THSD4: variants seen among roughly 807,000 people sequenced by gnomAD.
THSD4 encodes the protein thrombospondin type-1 domain-containing protein 4.
In THSD4, 69 loss-of-function variants were observed where a neutral mutation model predicts 119.0. That is an observed-to-expected ratio of 0.58 (90% CI 0.48 to 0.71). The LOEUF (loss-of-function observed/expected upper bound fraction) is 0.71, where lower values mean the gene tolerates loss of function less well. THSD4 is among the 30% of genes least tolerant of loss of function. THSD4 has a pLI of 0.00. For missense variants in THSD4, 1,393 were observed against 1,391.1 expected (o/e 1.00, Z -0.02); for synonymous variants, 524 against 540.4 (o/e 0.97, Z 0.42).
intron 8 of THSD4, among the ~76,000 whole-genome samples, chr15:71,670,089 T>A (rs2051492871): frequency 6.6e-6 from 1 of 152,164 alleles, no homozygotes; most frequent in East Asian, 1.9e-4. Flanking sequence ...TACCTTTTTT[T>A]TTATTATTAT....
intron 11 of THSD4, among the ~76,000 whole-genome samples, chr15:71,741,208 C>CG (rs1370278952): frequency 6.6e-6 from 1 of 152,002 alleles, no homozygotes. Flanking sequence ...ATTGAATAAG[C>CG]GGCCGGGCAT....
chr15:71,442,104 A>G (rs1408255118), intron 7 of THSD4, among the ~76,000 whole-genome samples: 1 of 152,016 alleles, frequency 6.6e-6, no homozygotes, highest in Non-Finnish European at 1.5e-5. Flanking sequence ...GACTACAGGC[A>G]TGCACCACCA....
intron 7 of THSD4, among the ~76,000 whole-genome samples, chr15:71,535,697 A>G (rs543246977): frequency 6.6e-6 from 1 of 152,212 alleles, no homozygotes; most frequent in African/African-American, 2.4e-5. Context: ...GATGTTGAGC[A>G]TCTTTTTCTG....
intron 7 of THSD4, among the ~76,000 whole-genome samples, chr15:71,459,356 C>CTCTCTCTG (rs1276676831): frequency 0.079 from 11,024 of 139,892 alleles, 565 homozygotes; most frequent in Admixed American, 0.17. Context: ...GTCTCTCTCT[C>CTCTCTCTG]TCTCTCTGTC....
chr15:71,672,470 C>T (rs563059690), intron 8 of THSD4, among the ~76,000 whole-genome samples: 1 of 152,128 alleles, frequency 6.6e-6, no homozygotes, highest in Non-Finnish European at 1.5e-5. Flanking sequence ...TAATTGAATA[C>T]CCTTTTATTT....
At chr15:71,699,740 C>T (rs28521118) in intron 8 of THSD4, among the ~76,000 whole-genome samples, 2 of 152,048 alleles carry the variant, frequency 1.3e-5, no homozygotes, top group African/African-American at 4.8e-5. Flanking sequence ...TTTGTTGTTT[C>T]GTGGCCAGTC....
At chr15:71,187,625 A>G (rs1192178553) in intron 3 of THSD4, 1 of 152,652 alleles carries the variant, frequency 6.6e-6, no homozygotes. Flanking sequence ...GTAGCTGACC[A>G]TGAGTAGATA....
Position 71,122,958 on chromosome 15 carries a change from G to A in THSD4, c.-80+7260G>A, listed in dbSNP as rs180934517. Among the ~76,000 whole-genome samples, 89 of 152,320 alleles carry A rather than the reference G, an allele frequency of 5.8e-4. 3 individuals carry two copies. In the Middle Eastern group the frequency reaches 0.031, roughly 52 times the overall value. On this transcript the variant is annotated intron_variant, in intron 1 of 17. Coordinates refer to ENST00000261862, the MANE Select transcript of THSD4 (RefSeq NM_024817.3). Reference sequence around the variant, plus strand: ...TGCTCATGGGGTCTTCAGAGAAATTGCACTTGGGAGGCCCAGACAAGGGGG... The same window carrying A: ...TGCTCATGGGGTCTTCAGAGAAATTACACTTGGGAGGCCCAGACAAGGGGG...
chr15:71,162,092 T>C (rs1217363607), intron 3 of THSD4, among the ~76,000 whole-genome samples: 1 of 152,066 alleles, frequency 6.6e-6, no homozygotes, highest in Non-Finnish European at 1.5e-5. Flanking sequence ...CCTCAGCCAC[T>C]AATTGTAGTT....
intron 8 of THSD4, among the ~76,000 whole-genome samples, chr15:71,679,324 G>C (rs960407983): frequency 1.3e-5 from 2 of 152,132 alleles, no homozygotes; most frequent in African/African-American, 2.4e-5. Context: ...TTTTTGGAAA[G>C]ACCATATAGT....
chr15:71,321,309 G>A (rs1228283321), intron 6 of THSD4, among the ~76,000 whole-genome samples: 1 of 152,174 alleles, frequency 6.6e-6, no homozygotes, highest in Non-Finnish European at 1.5e-5. Context: ...GCTGAGGCAG[G>A]CGAATCACCT....
intron 1 of THSD4, among the ~76,000 whole-genome samples, chr15:71,098,930 G>A (rs1017195091): frequency 2.6e-5 from 4 of 152,166 alleles, no homozygotes; most frequent in African/African-American, 4.8e-5. Flanking sequence ...CTAAAATCCA[G>A]GTCTGATCCA....
intron 4 of THSD4, among the ~76,000 whole-genome samples, chr15:71,235,047 G>C (rs940407571): frequency 3.3e-5 from 5 of 152,204 alleles, no homozygotes; most frequent in Admixed American, 1.3e-4. Flanking sequence ...AAAGATACGT[G>C]TGGTCATACG....
At chr15:71,373,578 A>G (rs1472508099) in intron 6 of THSD4, among the ~76,000 whole-genome samples, 1 of 152,204 alleles carries the variant, frequency 6.6e-6, no homozygotes, top group Non-Finnish European at 1.5e-5. Context: ...TTCTGGATCC[A>G]TAAGATCTGG....
chr15:71,106,619 T>A (rs948376788), intron 1 of THSD4, among the ~76,000 whole-genome samples: 3 of 152,308 alleles, frequency 2.0e-5, no homozygotes, highest in Admixed American at 6.5e-5. Context: ...CATTGCCAAG[T>A]TGTATTTACA....
chr15:71,242,982 C>T lies in THSD4; in HGVS notation c.798C>T (p.Ser266=), dbSNP rs1018713779. The part of the protein sequence containing the change: ...ASSLFHSPET[S]NNHGVGTHGA... ...GTCTCTTTCACAGCCCAGAAACAAG[C>T]AACAACCACGGTGTGGGGACCCATG... Residue 266 remains serine, a synonymous_variant, in exon 5 of 18, where the codon AGC becomes AGT. Transcript: ENST00000261862. The T allele has an allele frequency of 1.9e-6, 3 of 1,614,116 alleles. No homozygotes were observed. In the African/African-American group the frequency reaches 4.0e-5, roughly 22 times the overall value.
chr15:71,104,352 G>A (rs951156491), intron 1 of THSD4, among the ~76,000 whole-genome samples: 2 of 152,116 alleles, frequency 1.3e-5, no homozygotes, highest in Non-Finnish European at 2.9e-5. Context: ...CAGCAAATGT[G>A]TGGGGCTTTT....
At position 71,473,579 on chromosome 15, in the gene THSD4, T is replaced by C. The variant is rs148220537; in HGVS notation, c.1152+61756T>C. On this transcript the variant is annotated intron_variant, in intron 7 of 17. Coordinates refer to ENST00000261862, the MANE Select transcript of THSD4 (RefSeq NM_024817.3). ...ACTAATGCCTAACATGCTCATATCATTGTAAGGAATGTAGTCTACCACTGG... is the reference window on the plus strand; with the variant it reads ...ACTAATGCCTAACATGCTCATATCACTGTAAGGAATGTAGTCTACCACTGG... Among the ~76,000 whole-genome samples the C allele has an allele frequency of 7.5e-3, 1,142 of 152,238 alleles. 11 individuals are homozygous for C. The highest frequency in any genetic ancestry group is 0.026 in the African/African-American group (1,088 of 41,510).
intron 1 of THSD4, among the ~76,000 whole-genome samples, chr15:71,097,436 T>C (rs2141336762): frequency 6.6e-6 from 1 of 151,878 alleles, no homozygotes; most frequent in East Asian, 1.9e-4. Context: ...AGTGGTGGCG[T>C]ATGCCTGTGG....
Sources: gnomAD v4.1 joint callset for allele counts (sites outside exome capture counted in the v4.1 genomes callset) on GRCh38, gnomAD v4.1.1 for gene constraint, MANE v1.5 for transcripts, NCBI Gene and HGNC (gene_info 2026-07-23, HGNC 2026-07-21) for gene names.